The following OOSP4B variants were observed in gnomAD, a reference collection of about 807,000 sequenced individuals.
OOSP4B encodes oocyte secreted protein family member 4B.
At chr11:60,023,187 CTG>C (rs1307799023) in intron 1 of OOSP4B, among the ~76,000 whole-genome samples, 8 of 152,340 alleles carry the variant, frequency 5.3e-5, no homozygotes, top group African/African-American at 1.9e-4. Context: ...ACTAACCTCT[CTG>C]TGGATTTTTG....
intron 1 of OOSP4B, chr11:60,021,536 C>T (rs1438994234): frequency 6.6e-6 from 1 of 152,212 alleles, no homozygotes; most frequent in Non-Finnish European, 1.5e-5. Context: ...TACTGATGGC[C>T]TAGATCACTG....
At chr11:60,030,381 G>A (rs1854794852) in intron 4 of OOSP4B, among the ~76,000 whole-genome samples, 2 of 152,138 alleles carry the variant, frequency 1.3e-5, no homozygotes, top group Admixed American at 6.6e-5. Flanking sequence ...ATTAATACCT[G>A]TAGAAAACAC....
intron 3 of OOSP4B, among the ~76,000 whole-genome samples, chr11:60,027,351 A>T (rs1854754657): frequency 6.6e-6 from 1 of 152,086 alleles, no homozygotes; most frequent in African/African-American, 2.4e-5. Flanking sequence ...TTTAAAGAAC[A>T]TGCTTCCCTG....
intron 3 of OOSP4B, among the ~76,000 whole-genome samples, chr11:60,029,103 A>T (rs1283770779): frequency 6.6e-6 from 1 of 152,240 alleles, no homozygotes; most frequent in Non-Finnish European, 1.5e-5. Flanking sequence ...AGCCCTTCTA[A>T]ATTCAACAAG....
intron 1 of OOSP4B, among the ~76,000 whole-genome samples, chr11:60,023,662 G>A (rs1854716911): frequency 6.6e-6 from 1 of 152,138 alleles, no homozygotes; most frequent in Admixed American, 6.5e-5. Flanking sequence ...TTGAACTCCT[G>A]ACCTCAGGTG....
At chr11:60,024,641 T>C (rs1225272977) in intron 2 of OOSP4B, among the ~76,000 whole-genome samples, 1 of 152,222 alleles carries the variant, frequency 6.6e-6, no homozygotes, top group Non-Finnish European at 1.5e-5. Flanking sequence ...GCAATTGTAC[T>C]ACTTTGGAAA....
At chr11:60,025,600 CA>C (rs1854740081) in intron 3 of OOSP4B, among the ~76,000 whole-genome samples, 1 of 152,100 alleles carries the variant, frequency 6.6e-6, no homozygotes, top group African/African-American at 2.4e-5. Flanking sequence ...TTGTATATTC[CA>C]GTAGCTTGTT....
exon 4 of OOSP4B, chr11:60,029,920 T>G (rs1339736131): frequency 2.5e-6 from 1 of 398,224 alleles, no homozygotes; most frequent in Non-Finnish European, 4.4e-6. Flanking sequence ...ATTTTAACAG[T>G]GTTAATAAGG....
chr11:60,019,791 G>C (rs531033857), intron 1 of OOSP4B, among the ~76,000 whole-genome samples: 1 of 152,206 alleles, frequency 6.6e-6, no homozygotes, highest in Non-Finnish European at 1.5e-5. Context: ...ACCCCCAACG[G>C]GTTGCCAGTG....
chr11:60,025,603 T>C lies in OOSP4B; in HGVS notation c.302+598T>C, dbSNP rs1854740111. ...AACTCGTTTATGTTGTATATTCCAG[T>C]AGCTTGTTTCTTTATATTGCCGAGT... On this transcript the variant is annotated intron_variant, in intron 3 of 4. Coordinates refer to ENST00000642343, the Ensembl canonical transcript of OOSP4B. 2.0e-5 allele frequency among the ~76,000 whole-genome samples: 3 copies of C among 152,216 alleles called. No homozygotes were observed. The South Asian group carries it at 6.2e-4, about 31-fold the overall frequency.
rs1398013932 is a variant in OOSP4B at position 60,025,865 on chromosome 11, A to G, written c.302+860A>G. ...TTTTTGGCACTAATACGAGGAATGT[A>G]TGGGAGTCCAGTGGTTTCACCCTCT... is the stretch of plus-strand genomic sequence containing the variant. On this transcript the variant is annotated intron_variant, in intron 3 of 4. Coordinates refer to ENST00000642343, the Ensembl canonical transcript of OOSP4B. Among the ~76,000 whole-genome samples the G allele has an allele frequency of 3.9e-5, 6 of 152,308 alleles. 1 individual carries two copies. Among genetic ancestry groups the G allele is most frequent in the South Asian group, 4.1e-4 (2 of 4,824 alleles).
chr11:60,028,921 G>A (rs188320949), intron 3 of OOSP4B, among the ~76,000 whole-genome samples: 18 of 152,202 alleles, frequency 1.2e-4, no homozygotes, highest in African/African-American at 1.9e-4. Flanking sequence ...GGTGCTGGCC[G>A]TCTTAAGGGG....
At chr11:60,028,654 T>A (rs527295089) in intron 3 of OOSP4B, among the ~76,000 whole-genome samples, 75 of 152,346 alleles carry the variant, frequency 4.9e-4, no homozygotes, top group Non-Finnish European at 8.8e-4. Context: ...TGGAGTATAT[T>A]CTTAAATGTG....
chr11:60,020,213 G>A (rs1437365637), intron 1 of OOSP4B, among the ~76,000 whole-genome samples: 2 of 152,182 alleles, frequency 1.3e-5, no homozygotes, highest in Non-Finnish European at 2.9e-5. Context: ...ATCCCATACC[G>A]GGGCTGCAGG....
chr11:60,024,292 C>T (rs1209459597), intron 2 of OOSP4B, among the ~76,000 whole-genome samples: 4 of 152,164 alleles, frequency 2.6e-5, no homozygotes, highest in Admixed American at 2.6e-4. Flanking sequence ...GTAATCCCAC[C>T]ACTTTGGGAG....
At chr11:60,017,850 G>A (rs932374143) in intron 1 of OOSP4B, among the ~76,000 whole-genome samples, 2 of 152,168 alleles carry the variant, frequency 1.3e-5, no homozygotes, top group African/African-American at 4.8e-5. Context: ...GCCTATCCAT[G>A]GTGCTGGAGA....
intron 3 of OOSP4B, among the ~76,000 whole-genome samples, chr11:60,025,645 T>TA (rs1310510600): frequency 6.6e-6 from 1 of 152,244 alleles, no homozygotes; most frequent in African/African-American, 2.4e-5. Flanking sequence ...TTTCATTAGA[T>TA]ACGTATTATT....
At chr11:60,029,408 C>T (rs1854781212) in intron 3 of OOSP4B, among the ~76,000 whole-genome samples, 6 of 152,124 alleles carry the variant, frequency 3.9e-5, no homozygotes. Flanking sequence ...CATCTTTTTG[C>T]ATACATATGG....
intron 4 of OOSP4B, 59 bp from the exon 5 acceptor site, chr11:60,030,743 C>CT (rs960072992): frequency 1.0e-5 from 4 of 397,732 alleles, no homozygotes; most frequent in Non-Finnish European, 1.8e-5. Flanking sequence ...AACGTGTTTT[C>CT]TTTTTAGGTA....
Sources: gnomAD v4.1 joint callset for allele counts (sites outside exome capture counted in the v4.1 genomes callset) on GRCh38, gnomAD v4.1.1 for gene constraint, MANE v1.5 for transcripts, NCBI Gene and HGNC (gene_info 2026-07-23, HGNC 2026-07-21) for gene names.